Variants in RALGAPB observed in about 807,000 individuals in gnomAD.
RALGAPB encodes Ral GTPase activating protein non-catalytic subunit beta.
RALGAPB carries 25 observed loss-of-function variants against 161.1 expected under a neutral mutation model. That is an observed-to-expected ratio of 0.16 (90% CI 0.11 to 0.22). The LOEUF (loss-of-function observed/expected upper bound fraction) is 0.22, where lower values mean the gene tolerates loss of function less well. RALGAPB is among the 10% of genes least tolerant of loss of function. RALGAPB has a pLI of 1.00. For missense variants in RALGAPB, 1,391 were observed against 1,815.2 expected (o/e 0.77, Z 4.25); for synonymous variants, 629 against 626.1 (o/e 1.00, Z -0.07).
At chr20:38,508,913 A>C (rs1402081312) in intron 5 of RALGAPB, among the ~76,000 whole-genome samples, 164 bp from the exon 6 acceptor site, 1 of 152,084 alleles carries the variant, frequency 6.6e-6, no homozygotes, top group Non-Finnish European at 1.5e-5. Context: ...AAAACTAGAA[A>C]TCCTCTTTCA....
intron 5 of RALGAPB, among the ~76,000 whole-genome samples, chr20:38,505,726 T>C (rs988569904): frequency 1.3e-5 from 2 of 152,198 alleles, no homozygotes; most frequent in Non-Finnish European, 2.9e-5. Context: ...ATAACTTTTA[T>C]ATGCATTGAG....
intron 1 of RALGAPB, among the ~76,000 whole-genome samples, chr20:38,482,709 G>A (rs1020873327): frequency 6.6e-6 from 1 of 152,154 alleles, no homozygotes; most frequent in Non-Finnish European, 1.5e-5. Context: ...GATTACAGGC[G>A]TGAGCCACCG....
intron 3 of RALGAPB, among the ~76,000 whole-genome samples, chr20:38,495,091 T>G (rs760961380): frequency 6.6e-6 from 1 of 152,250 alleles, no homozygotes; most frequent in Non-Finnish European, 1.5e-5. Context: ...TTTTCAATGG[T>G]AAGTATTGGT....
At chr20:38,567,074 C>T (rs775457281) in intron 25 of RALGAPB, 22 bp from the exon 26 acceptor site, 5 of 1,608,788 alleles carry the variant, frequency 3.1e-6, no homozygotes, top group Non-Finnish European at 4.2e-6. Context: ...ATTATAGTTG[C>T]TTTTTTTCCT....
chr20:38,508,464 T>C (rs2085834738), intron 5 of RALGAPB, among the ~76,000 whole-genome samples: 1 of 152,104 alleles, frequency 6.6e-6, no homozygotes, highest in South Asian at 2.1e-4. Context: ...TGGATGGGCC[T>C]GGAAGAGGGA....
intron 22 of RALGAPB, among the ~76,000 whole-genome samples, chr20:38,557,370 G>A (rs1215926270): frequency 1.3e-5 from 2 of 152,208 alleles, no homozygotes; most frequent in African/African-American, 2.4e-5. Flanking sequence ...ATTACTCACC[G>A]AAGTCGGTGA....
At chr20:38,496,333 A>G (rs1405038419) in intron 3 of RALGAPB, among the ~76,000 whole-genome samples, 2 of 152,086 alleles carry the variant, frequency 1.3e-5, no homozygotes, top group East Asian at 1.9e-4. Context: ...TTCTAAGGGA[A>G]CTCACTTCAT....
At chr20:38,535,927 T>C (rs942943705) in intron 16 of RALGAPB, among the ~76,000 whole-genome samples, 2 of 152,200 alleles carry the variant, frequency 1.3e-5, no homozygotes, top group Admixed American at 1.3e-4. Flanking sequence ...GTTACTTCAG[T>C]TTTTTGGAAA....
chr20:38,550,012 G>A (rs1745067020), intron 20 of RALGAPB, among the ~76,000 whole-genome samples: 1 of 152,144 alleles, frequency 6.6e-6, no homozygotes, highest in South Asian at 2.1e-4. Context: ...GATGAAATTG[G>A]AAATCATCAT....
intron 28 of RALGAPB, 88 bp downstream of exon 28, chr20:38,570,935 G>A (rs2088210633): frequency 4.5e-6 from 4 of 879,506 alleles, no homozygotes; most frequent in African/African-American, 3.4e-5. Context: ...TGAAACGAAA[G>A]AGTTGTAGAC....
chr20:38,534,977 C>A, intron 15 of RALGAPB, 97 bp from the exon 16 acceptor site: 1 of 1,419,692 alleles, frequency 7.0e-7, no homozygotes, highest in Non-Finnish European at 9.8e-7. Flanking sequence ...CTCACTGTGG[C>A]TGCTGTGGTC....
At chr20:38,485,611 G>A (rs2085090473) in intron 1 of RALGAPB, among the ~76,000 whole-genome samples, 1 of 152,066 alleles carries the variant, frequency 6.6e-6, no homozygotes, top group Non-Finnish European at 1.5e-5. Flanking sequence ...ACTTTTAGTA[G>A]AGACGGGGTT....
intron 26 of RALGAPB, 56 bp downstream of exon 26, chr20:38,567,288 T>C (rs976907289): frequency 1.3e-4 from 204 of 1,576,962 alleles, no homozygotes; most frequent in Non-Finnish European, 1.7e-4. Flanking sequence ...AGGGTAATTA[T>C]AGAATCCTGC....
intron 14 of RALGAPB, among the ~76,000 whole-genome samples, chr20:38,531,467 C>T (rs1033529110): frequency 6.6e-6 from 1 of 152,112 alleles, no homozygotes; most frequent in African/African-American, 2.4e-5. Context: ...ACAGCTAAAT[C>T]CAGTCTTTAT....
At chr20:38,574,347 C>A in intron 29 of RALGAPB, 49 bp downstream of exon 29, 1 of 1,528,424 alleles carries the variant, frequency 6.5e-7, no homozygotes, top group Non-Finnish European at 8.8e-7. Flanking sequence ...TTTTCTTTAT[C>A]ATTTTTATAA....
chr20:38,557,303 T>C (rs1002516408), intron 22 of RALGAPB, among the ~76,000 whole-genome samples: 4 of 152,318 alleles, frequency 2.6e-5, no homozygotes, highest in Non-Finnish European at 4.4e-5. Context: ...TCCCCTGTTA[T>C]CAACATCTTG....
chr20:38,559,869 G>T (rs932351395), intron 23 of RALGAPB, among the ~76,000 whole-genome samples: 1 of 152,192 alleles, frequency 6.6e-6, no homozygotes. Context: ...GAATAGGCAG[G>T]AAGTTACTGA....
rs779293268 is a variant in RALGAPB at position 38,541,038 on chromosome 20, T to TA, written c.2563-2dup. 3 of 1,613,242 alleles carry TA rather than the reference T, an allele frequency of 1.9e-6. No homozygotes were observed. In the South Asian group the frequency reaches 3.3e-5, roughly 18 times the overall value. On this transcript the variant is annotated splice_polypyrimidine_tract_variant and splice_region_variant and intron_variant, in intron 17 of 29. Transcript: ENST00000262879. ...AAAATTGATCTGCCTTTCCTGCTTT[T>TA]AGGACTGCCTTAAGGAAGTACTGGA...
At chr20:38,543,574 A>G (rs1339463174) in intron 18 of RALGAPB, among the ~76,000 whole-genome samples, 1 of 152,078 alleles carries the variant, frequency 6.6e-6, no homozygotes, top group Non-Finnish European at 1.5e-5. Flanking sequence ...TTGTTGTCTA[A>G]ACTCCTCAAT....
Sources: allele counts gnomAD v4.1 joint callset (sites outside exome capture counted in the v4.1 genomes callset), GRCh38; gene constraint gnomAD v4.1.1; transcripts MANE v1.5; gene names NCBI Gene and HGNC (gene_info 2026-07-23, HGNC 2026-07-21).